The following RUNX1 variants were observed in gnomAD, a reference collection of about 807,000 sequenced individuals.
RUNX1 encodes runt-related transcription factor 1.
RUNX1 carries 19 observed loss-of-function variants against 42.8 expected under a neutral mutation model. The ratio of observed to expected loss-of-function variants is 0.44; its 90% CI spans 0.31 to 0.65. The LOEUF (loss-of-function observed/expected upper bound fraction) is 0.65, where lower values mean the gene tolerates loss of function less well. Among genes scored for constraint, RUNX1 ranks in the 30% least tolerant of loss-of-function variants. RUNX1 has a pLI of 0.07. For missense variants in RUNX1, 528 were observed against 672.0 expected (o/e 0.79, Z 2.37); for synonymous variants, 271 against 289.4 (o/e 0.94, Z 0.64).
At chr21:34,944,560 T>C (rs1394929489) in intron 2 of RUNX1, among the ~76,000 whole-genome samples, 1 of 152,198 alleles carries the variant, frequency 6.6e-6, no homozygotes, top group African/African-American at 2.4e-5. Context: ...ATGTGAGTGC[T>C]TCCTCTAGCA....
rs1034562071 is a variant in RUNX1 at position 34,792,175 on chromosome 21, G to A, written c.1403C>T (p.Pro468Leu). The A allele has an allele frequency of 1.0e-5, 16 of 1,528,130 alleles. No individual in the cohort carries two copies. Among genetic ancestry groups the A allele is most frequent in the Admixed American group, 2.0e-5 (1 of 50,726 alleles). 94.7% of individuals were successfully genotyped at this position (1,528,130 alleles called of 1,614,324 possible). A position where few individuals can be genotyped will look rare whatever the true frequency, so the allele number is the denominator to read the frequency against. Residue 468 changes from proline to leucine, a missense_variant, in exon 9 of 9, where the codon CCC becomes CTC. Pro to Leu is a moderately conservative substitution (Grantham distance 98, BLOSUM62 -3). Coordinates refer to ENST00000675419, the MANE Select transcript of RUNX1 (RefSeq NM_001754.5). The surrounding 1 kb of genome is among the most constrained non-coding windows in gnomAD (Gnocchi z 6.9). ...SHSNSPTNMA[P>L]SARLEEAVWR... ...CACGGCCTCCTCCAGGCGCGCGGAG[G>A]GCGCCATGTTGGTGGGGGAGTTGCT... is the stretch of plus-strand genomic sequence containing the variant.
chr21:34,975,642 T>C (rs889921697), intron 2 of RUNX1, among the ~76,000 whole-genome samples: 1 of 152,166 alleles, frequency 6.6e-6, no homozygotes, highest in Non-Finnish European at 1.5e-5. Context: ...AGTGCTAAAC[T>C]TCCTAAAAGT....
intron 7 of RUNX1, among the ~76,000 whole-genome samples, chr21:34,830,252 G>A (rs1240859656): frequency 1.3e-5 from 2 of 152,138 alleles, no homozygotes; most frequent in South Asian, 4.1e-4. Flanking sequence ...GAAGGCAATG[G>A]CCCCAATAAA....
chr21:34,933,054 C>A (rs1351681008), intron 2 of RUNX1, among the ~76,000 whole-genome samples: 1 of 152,150 alleles, frequency 6.6e-6, no homozygotes, highest in Non-Finnish European at 1.5e-5. Context: ...AGAGAGTTTG[C>A]ACAAAAATTG....
intron 2 of RUNX1, among the ~76,000 whole-genome samples, chr21:34,973,430 C>T (rs2058777001): frequency 6.6e-6 from 1 of 152,192 alleles, no homozygotes; most frequent in Non-Finnish European, 1.5e-5. Context: ...AATCCAGTGT[C>T]ATCATGTGTG....
At chr21:34,929,314 G>A (rs11910219) in intron 2 of RUNX1, among the ~76,000 whole-genome samples, 234 of 152,162 alleles carry the variant, frequency 1.5e-3, no homozygotes, top group African/African-American at 5.4e-3. Context: ...ACAAAAGCTG[G>A]GGCCAGCAGT....
At position 34,843,583 on chromosome 21, in the gene RUNX1, A is replaced by G. The variant is rs980251580; in HGVS notation, c.614-8982T>C. ...TGGGCCAAGACAAGTGTAGCAAGCAACAGTCAATGGACAGGAAAGGCTGGC... is the reference window on the plus strand; with the variant it reads ...TGGGCCAAGACAAGTGTAGCAAGCAGCAGTCAATGGACAGGAAAGGCTGGC... On this transcript the variant is annotated intron_variant, in intron 6 of 8. Transcript: ENST00000675419. This position sits in a 1 kb window ranked among gnomAD's most constrained non-coding sequence, Gnocchi z 4.8. 2.6e-5 allele frequency among the ~76,000 whole-genome samples: 4 copies of G among 152,308 alleles called. No homozygotes were observed. The highest frequency in any genetic ancestry group is 4.1e-4 in the South Asian group (2 of 4,820).
intron 2 of RUNX1, among the ~76,000 whole-genome samples, chr21:35,001,667 T>C (rs2059045339): frequency 1.3e-5 from 2 of 152,054 alleles, no homozygotes; most frequent in African/African-American, 2.4e-5. Flanking sequence ...GAAAACAACA[T>C]ATAAAAGACA....
At position 34,962,023 on chromosome 21, in the gene RUNX1, G is replaced by T. The variant is rs1193180775; in HGVS notation, c.59-69060C>A. Among the ~76,000 whole-genome samples, 3 of 152,058 alleles carry T rather than the reference G, an allele frequency of 2.0e-5. No homozygotes were observed. In the East Asian group the frequency reaches 5.8e-4, roughly 29 times the overall value. On this transcript the variant is annotated intron_variant, in intron 2 of 8. Transcript: ENST00000675419. The stretch of plus-strand genomic sequence containing the variant: ...TCCTCCCATTTCAGCCTCCTGAGTA[G>T]CTGGGACTACAGGTGCATGCCACCT...
chr21:34,804,889 C>G (rs372749881), intron 7 of RUNX1, among the ~76,000 whole-genome samples: 1 of 152,060 alleles, frequency 6.6e-6, no homozygotes, highest in South Asian at 2.1e-4. Context: ...TTACAGGCAC[C>G]TGCCACCACG....
At chr21:34,959,485 G>A (rs989390700) in intron 2 of RUNX1, among the ~76,000 whole-genome samples, 2 of 152,200 alleles carry the variant, frequency 1.3e-5, no homozygotes, top group Admixed American at 6.5e-5. Context: ...GTGGATGTTG[G>A]TGAATAAATA....
intron 5 of RUNX1, among the ~76,000 whole-genome samples, chr21:34,868,970 A>G (rs1359381677): frequency 1.3e-5 from 2 of 152,196 alleles, no homozygotes; most frequent in African/African-American, 2.4e-5. Context: ...ATGCCCAATA[A>G]AAGTTTGTAA....
chr21:34,900,833 AT>A (rs1422086721), intron 2 of RUNX1, among the ~76,000 whole-genome samples: 1 of 152,214 alleles, frequency 6.6e-6, no homozygotes, highest in Non-Finnish European at 1.5e-5. Flanking sequence ...TATAAGCATT[AT>A]GGATCAGAAA....
intron 2 of RUNX1, among the ~76,000 whole-genome samples, chr21:35,023,193 C>T (rs1327200594): frequency 6.6e-6 from 1 of 152,164 alleles, no homozygotes; most frequent in Non-Finnish European, 1.5e-5. Context: ...ACCAGCCCAC[C>T]TTGGCCTCCC....
chr21:34,987,535 G>A (rs1025023577), intron 2 of RUNX1, among the ~76,000 whole-genome samples: 1 of 152,198 alleles, frequency 6.6e-6, no homozygotes, highest in Admixed American at 6.5e-5. Context: ...AGGGGGAGAT[G>A]AGCCATGTGT....
chr21:34,922,172 G>A (rs1325299944), intron 2 of RUNX1, among the ~76,000 whole-genome samples: 2 of 152,138 alleles, frequency 1.3e-5, no homozygotes, highest in Non-Finnish European at 2.9e-5. Context: ...CTGTAAGTGG[G>A]GGGCTCGAGG....
At chr21:34,908,772 C>A (rs143668646) in intron 2 of RUNX1, among the ~76,000 whole-genome samples, 1 of 152,264 alleles carries the variant, frequency 6.6e-6, no homozygotes, top group African/African-American at 2.4e-5. Context: ...TTTTATCATC[C>A]TTCTCCAAAC....
In RUNX1 at chr21:34,834,573, G is replaced by C; in HGVS notation, c.642C>G (p.Thr214=). 6.2e-7 allele frequency: 1 copy of C among 1,612,346 alleles called. No homozygotes were observed. The highest frequency in any genetic ancestry group is 8.5e-7 in the Non-Finnish European group (1 of 1,179,920). Residue 214 remains threonine (T), a synonymous_variant, in exon 7 of 9, where the codon ACC becomes ACG. Coordinates refer to ENST00000675419, the MANE Select transcript of RUNX1 (RefSeq NM_001754.5). ...CGGAAAAGGACAAGCTCCCGGGCTT[G>C]GTCTGATCATCTAGTTTCTGCCGAT... ...RRHRQKLDDQ[T]KPGSLSFSER... is the part of the protein sequence containing the mutation.
rs938686404 is a variant in RUNX1 at position 34,907,790 on chromosome 21, C to T, written c.59-14827G>A. On this transcript the variant is annotated intron_variant, in intron 2 of 8. Transcript: ENST00000675419. The surrounding 1 kb of genome is among the most constrained non-coding windows in gnomAD (Gnocchi z 5.3). Reference sequence around the variant, plus strand: ...AACAGAGTGAAGCTGTTTTGAAGGCCATCCTTCTGTGGAATAGCATTGGGT... The same window carrying T: ...AACAGAGTGAAGCTGTTTTGAAGGCTATCCTTCTGTGGAATAGCATTGGGT... 1.3e-5 allele frequency among the ~76,000 whole-genome samples: 2 copies of T among 152,166 alleles called. No individual in the cohort carries two copies. The highest frequency in any genetic ancestry group is 2.4e-5 in the African/African-American group (1 of 41,428).
Sources: allele counts gnomAD v4.1 joint callset (sites outside exome capture counted in the v4.1 genomes callset), GRCh38; gene constraint gnomAD v4.1.1; non-coding constraint Gnocchi (gnomAD v3.1); transcripts MANE v1.5; gene names NCBI Gene and HGNC (gene_info 2026-07-23, HGNC 2026-07-21).